The following ZFHX3 variants were observed in gnomAD, a reference collection of about 807,000 sequenced individuals.
The protein encoded by ZFHX3 is zinc finger homeobox protein 3.
ZFHX3 carries 42 observed loss-of-function variants against 279.1 expected under a neutral mutation model. That is an observed-to-expected ratio of 0.15 (90% CI 0.12 to 0.19). The LOEUF (loss-of-function observed/expected upper bound fraction) is 0.19. Ranked by LOEUF, ZFHX3 falls within the 10% of genes least tolerant of loss-of-function variation. The probability of loss-of-function intolerance (pLI) is 1.00; values close to 1 mark genes in which losing one functional copy is unlikely to be tolerated. For missense variants in ZFHX3, 4,981 were observed against 4,754.0 expected (o/e 1.05, Z -1.40); for synonymous variants, 2,293 against 1,957.8 (o/e 1.17, Z -4.52).
intron 1 of ZFHX3, among the ~76,000 whole-genome samples, chr16:73,739,609 T>A (rs1245029134): frequency 1.3e-5 from 2 of 152,146 alleles, no homozygotes. Context: ...TGCCAGGGAA[T>A]GAAGGGACTG....
intron 2 of ZFHX3, among the ~76,000 whole-genome samples, chr16:73,611,571 A>T (rs1051506474): frequency 6.6e-6 from 1 of 152,204 alleles, no homozygotes; most frequent in African/African-American, 2.4e-5. Flanking sequence ...GCATAAGGTG[A>T]TAGTTAAGCA....
intron 8 of ZFHX3, chr16:73,092,711 C>T (rs370346925): frequency 1.8e-5 from 6 of 328,384 alleles, no homozygotes; most frequent in Admixed American, 8.6e-5. Context: ...TGCTCTCTCG[C>T]GCTCTGGGAG....
rs764449873 is a variant in ZFHX3, at chr16:72,787,995, G to T, written c.10281C>A (p.Thr3427=). The T allele has an allele frequency of 6.2e-7, 1 of 1,613,400 alleles. No homozygotes were observed. Among genetic ancestry groups the T allele is most frequent in the South Asian group, 1.1e-5 (1 of 91,034 alleles). Reference sequence around the variant, plus strand: ...GCAGGAGGGGGGACACCTCACGGGGGGTGTTTTTCTGTTCTTCTGGTTTGG... The same window carrying T: ...GCAGGAGGGGGGACACCTCACGGGGTGTGTTTTTCTGTTCTTCTGGTTTGG... ...ESPKPEEQKN[T]PREVSPLLPK... is the part of the protein sequence containing the mutation. The change falls in exon 10 of 10, where the codon ACC becomes ACA. Residue 3427 remains threonine, a synonymous_variant. Transcript: ENST00000268489.
At chr16:73,341,968 T>C (rs2016040574) in intron 3 of ZFHX3, among the ~76,000 whole-genome samples, 1 of 152,152 alleles carries the variant, frequency 6.6e-6, no homozygotes, top group South Asian at 2.1e-4. Context: ...AGGTAAATAG[T>C]ACTAGGTTTC....
chr16:73,349,531 T>C (rs770529322), intron 3 of ZFHX3, among the ~76,000 whole-genome samples: 1 of 152,060 alleles, frequency 6.6e-6, no homozygotes, highest in Admixed American at 6.5e-5. Flanking sequence ...AGATAAGGAG[T>C]ACAGATGTTA....
chr16:73,615,690 A>C (rs779128351), intron 2 of ZFHX3, among the ~76,000 whole-genome samples: 1 of 152,238 alleles, frequency 6.6e-6, no homozygotes, highest in Non-Finnish European at 1.5e-5. Context: ...AACTAAATCC[A>C]GGATCTCTGC....
At chr16:73,449,605 T>G (rs2018248527) in intron 3 of ZFHX3, among the ~76,000 whole-genome samples, 1 of 152,208 alleles carries the variant, frequency 6.6e-6, no homozygotes, top group Admixed American at 6.5e-5. Flanking sequence ...CTTGAGCACT[T>G]AATTATTTAA....
chr16:73,120,401 G>C (rs1966481502), intron 7 of ZFHX3, among the ~76,000 whole-genome samples: 1 of 151,876 alleles, frequency 6.6e-6, no homozygotes, highest in African/African-American at 2.4e-5. Flanking sequence ...GAGTAGCTGG[G>C]ACTACAGGCA....
At position 72,798,866 on chromosome 16, in the gene ZFHX3, C is replaced by G. The variant is rs1054179189; in HGVS notation, c.3968-152G>C. On this transcript the variant is annotated intron_variant, in intron 8 of 9. Transcript: ENST00000268489. ...CCTGAATGACAGAATCTCTGCGGAG[C>G]GCCTCCTGCTTTCTTTTGTTCCTCC... The G allele has an allele frequency of 4.7e-5, 64 of 1,358,656 alleles. No homozygotes were observed. The African/African-American group carries it at 8.0e-4, about 17-fold the overall frequency. The allele number at this position is 1,358,656 out of a possible 1,614,324, so 84.2% of individuals were successfully genotyped here.
At chr16:73,020,521 C>T (rs1401643465) in intron 1 of ZFHX3, among the ~76,000 whole-genome samples, 1 of 152,176 alleles carries the variant, frequency 6.6e-6, no homozygotes, top group Non-Finnish European at 1.5e-5. Context: ...ACGGGCAACG[C>T]GGGACCCATG....
chr16:73,657,010 G>A (rs1207948048), intron 2 of ZFHX3, among the ~76,000 whole-genome samples: 1 of 152,168 alleles, frequency 6.6e-6, no homozygotes, highest in Non-Finnish European at 1.5e-5. Flanking sequence ...TGCCAAAATA[G>A]CTTTAAGAAA....
intron 3 of ZFHX3, among the ~76,000 whole-genome samples, chr16:72,947,176 G>A (rs1960724699): frequency 6.6e-6 from 1 of 152,218 alleles, no homozygotes; most frequent in Admixed American, 6.5e-5. Flanking sequence ...GACAAGGTAA[G>A]GGGGCTTCCC....
At chr16:73,727,899 G>A (rs2053533069) in intron 1 of ZFHX3, among the ~76,000 whole-genome samples, 1 of 151,922 alleles carries the variant, frequency 6.6e-6, no homozygotes, top group South Asian at 2.1e-4. Flanking sequence ...AAAGCTAACG[G>A]GTAAATCTTC....
chr16:72,951,675 T>C (rs1195816975), intron 2 of ZFHX3, among the ~76,000 whole-genome samples: 1 of 152,180 alleles, frequency 6.6e-6, no homozygotes, highest in Non-Finnish European at 1.5e-5. Flanking sequence ...AAATTGGAAA[T>C]GAGTCACAGC....
At chr16:73,646,896 T>C (rs1161589776) in intron 2 of ZFHX3, among the ~76,000 whole-genome samples, 1 of 152,196 alleles carries the variant, frequency 6.6e-6, no homozygotes, top group Non-Finnish European at 1.5e-5. Context: ...TTGTATAATT[T>C]ATCCTCCAAA....
At chr16:73,831,272 A>G (rs1960988910) in intron 1 of ZFHX3, among the ~76,000 whole-genome samples, 1 of 152,176 alleles carries the variant, frequency 6.6e-6, no homozygotes, top group Non-Finnish European at 1.5e-5. Context: ...AAGTCCTCCT[A>G]TTTCAGAGTC....
At chr16:73,062,237 A>G (rs1041946686), upstream of ZFHX3, 2 of 152,234 alleles carry the variant, frequency 1.3e-5, no homozygotes, top group Admixed American at 1.3e-4. Flanking sequence ...ACATTTCTCT[A>G]GCTCTCACTC....
chr16:73,653,616 A>T (rs1417902156), intron 2 of ZFHX3, among the ~76,000 whole-genome samples: 1 of 152,176 alleles, frequency 6.6e-6, no homozygotes, highest in Admixed American at 6.5e-5. Context: ...AAAATTCGGA[A>T]AAGTTATGAA....
intron 5 of ZFHX3, among the ~76,000 whole-genome samples, chr16:73,194,427 T>C (rs2144892018): frequency 6.6e-6 from 1 of 152,272 alleles, no homozygotes; most frequent in East Asian, 1.9e-4. Context: ...CTCAAACTCC[T>C]GGGCTCAAGT....
Sources: gnomAD v4.1 joint callset for allele counts (sites outside exome capture counted in the v4.1 genomes callset) on GRCh38, gnomAD v4.1.1 for gene constraint, MANE v1.5 for transcripts, NCBI Gene and HGNC (gene_info 2026-07-23, HGNC 2026-07-21) for gene names.